RBFOX1: variants seen among roughly 807,000 people sequenced by gnomAD.
The protein encoded by RBFOX1 is RNA binding protein fox-1 homolog 1.
A neutral mutation model predicts 57.7 loss-of-function variants in RBFOX1; 8 were observed. That is an observed-to-expected ratio of 0.14 (90% CI 0.08 to 0.25). The LOEUF is 0.25. Ranked by LOEUF, RBFOX1 falls within the 10% of genes least tolerant of loss-of-function variation. The pLI, the probability that RBFOX1 is intolerant of heterozygous loss-of-function variation, is 1.00. For synonymous variants in RBFOX1, 326 were observed against 222.4 expected (o/e 1.47, Z -4.15); for missense variants, 611 against 548.5 (o/e 1.11, Z -1.14).
intron 4 of RBFOX1, among the ~76,000 whole-genome samples, chr16:7,172,852 G>C (rs553678779): frequency 5.9e-5 from 9 of 152,256 alleles, no homozygotes; most frequent in African/African-American, 2.2e-4. Flanking sequence ...TAGAGAACAT[G>C]GGGAGATGGT....
intron 3 of RBFOX1, among the ~76,000 whole-genome samples, chr16:6,980,467 T>G (rs2088450256): frequency 6.6e-6 from 1 of 152,204 alleles, no homozygotes; most frequent in South Asian, 2.1e-4. Context: ...CTTCTTATGT[T>G]GAAATTTTTC....
chr16:6,712,392 C>T (rs1176366122), intron 3 of RBFOX1, among the ~76,000 whole-genome samples: 2 of 152,106 alleles, frequency 1.3e-5, no homozygotes, highest in Non-Finnish European at 2.9e-5. Flanking sequence ...ACTAGATAAT[C>T]TGCCTAATGA....
At chr16:5,726,631 G>A (rs2052162084) in intron 3 of RBFOX1, among the ~76,000 whole-genome samples, 1 of 152,166 alleles carries the variant, frequency 6.6e-6, no homozygotes, top group Non-Finnish European at 1.5e-5. Flanking sequence ...CTTTGCTCTT[G>A]ACCTGTACAC....
chr16:7,122,856 C>G (rs1470084994), intron 4 of RBFOX1, among the ~76,000 whole-genome samples: 3 of 152,158 alleles, frequency 2.0e-5, no homozygotes, highest in Non-Finnish European at 4.4e-5. Context: ...ACGTGGAATA[C>G]TACTGAACAA....
intron 3 of RBFOX1, among the ~76,000 whole-genome samples, chr16:5,682,668 A>G (rs559558294): frequency 2.0e-5 from 3 of 152,334 alleles, no homozygotes; most frequent in African/African-American, 7.2e-5. Context: ...CTCAAAGCTG[A>G]GAACAGGAAA....
rs956916451 is a variant in RBFOX1 at position 6,100,312 on chromosome 16, G to A, written c.-127+80320G>A. On this transcript the variant is annotated intron_variant, in intron 1 of 15. Coordinates refer to ENST00000550418, the MANE Select transcript of RBFOX1 (RefSeq NM_018723.4). ...CGAGGAGCTGGGACTACAGGCGCCC[G>A]CCATTACGCCTGGCTAATGTTTTGT... Among the ~76,000 whole-genome samples the A allele has an allele frequency of 5.3e-5, 8 of 152,248 alleles. No homozygotes were observed. The South Asian group carries it at 1.2e-3, about 24-fold the overall frequency.
chr16:5,610,261 G>A (rs1479887867), intron 3 of RBFOX1: 1 of 152,218 alleles, frequency 6.6e-6, no homozygotes, highest in East Asian at 1.9e-4. Context: ...GTCGCTACTT[G>A]TTGAAAGACT....
At chr16:6,687,327 A>T (rs2059581691) in intron 3 of RBFOX1, among the ~76,000 whole-genome samples, 1 of 152,166 alleles carries the variant, frequency 6.6e-6, no homozygotes, top group Non-Finnish European at 1.5e-5. Flanking sequence ...TAAACTGCAT[A>T]TTAGGTACAA....
chr16:5,611,532 C>T (rs2047785953), intron 3 of RBFOX1: 1 of 152,158 alleles, frequency 6.6e-6, no homozygotes, highest in Non-Finnish European at 1.5e-5. Flanking sequence ...TAGCCTTTTG[C>T]TTTGCACTTC....
chr16:7,486,063 C>T (rs1424494672), intron 4 of RBFOX1, among the ~76,000 whole-genome samples: 1 of 150,014 alleles, frequency 6.7e-6, no homozygotes, highest in Non-Finnish European at 1.5e-5. Context: ...TGTGCTACCA[C>T]TTGGTGTGTT....
rs867664521 is a variant in RBFOX1, at chr16:6,866,578, G to T, written c.-15-185479G>T. ...TTTTTTTGAGTTGGAGTCTCGCTCT[G>T]TCCCCCAGGCTGGAGTGCAGTGGTG... is the stretch of plus-strand genomic sequence containing the variant. On this transcript the variant is annotated intron_variant, in intron 3 of 15. Coordinates refer to ENST00000550418, the MANE Select transcript of RBFOX1 (RefSeq NM_018723.4). Among the ~76,000 whole-genome samples, 131 of 102,308 alleles carry T rather than the reference G, an allele frequency of 1.3e-3. 4 individuals carry two copies. Among genetic ancestry groups the T allele is most frequent in the Middle Eastern group, 0.01 (1 of 96 alleles). The allele number at this position is 102,308 out of a possible 152,430, so 67.1% of individuals were successfully genotyped here. A position where few individuals can be genotyped will look rare whatever the true frequency, so the allele number is the denominator to read the frequency against.
chr16:7,128,818 CTTTT>C (rs759893956), intron 4 of RBFOX1, among the ~76,000 whole-genome samples: 298 of 126,920 alleles, frequency 2.3e-3, no homozygotes, highest in African/African-American at 7.0e-3. Context: ...TTTCTTTTTA[CTTTT>C]TTTTTTTTTT....
chr16:5,726,707 G>A (rs2052165555), intron 3 of RBFOX1, among the ~76,000 whole-genome samples: 1 of 152,180 alleles, frequency 6.6e-6, no homozygotes, highest in African/African-American at 2.4e-5. Context: ...ATAGCTATAG[G>A]TATTATGAAC....
chr16:6,886,670 G>C (rs552730185), intron 3 of RBFOX1, among the ~76,000 whole-genome samples: 2 of 151,484 alleles, frequency 1.3e-5, no homozygotes, highest in Non-Finnish European at 2.9e-5. Context: ...CACAAGAATC[G>C]CTTGAACCCA....
intron 2 of RBFOX1, among the ~76,000 whole-genome samples, chr16:6,612,943 C>G (rs1372219649): frequency 2.0e-5 from 3 of 151,476 alleles, no homozygotes; most frequent in Non-Finnish European, 4.4e-5. Context: ...TTCAGTTTGA[C>G]AAACAAAGCC....
chr16:7,469,833 AT>A (rs1337006700), intron 4 of RBFOX1, among the ~76,000 whole-genome samples: 1 of 152,070 alleles, frequency 6.6e-6, no homozygotes, highest in Non-Finnish European at 1.5e-5. Context: ...TTAAACACTA[AT>A]TTCATCCGTC....
At chr16:5,885,348 G>A (rs545823292) in intron 4 of RBFOX1, among the ~76,000 whole-genome samples, 5 of 148,010 alleles carry the variant, frequency 3.4e-5, no homozygotes, top group African/African-American at 1.2e-4. Context: ...CTCCAAATAC[G>A]ACTGCATTTT....
intron 3 of RBFOX1, among the ~76,000 whole-genome samples, chr16:7,026,532 T>C (rs2040996831): frequency 6.6e-6 from 1 of 152,080 alleles, no homozygotes; most frequent in Non-Finnish European, 1.5e-5. Flanking sequence ...CTCACACACA[T>C]ACACAATCAC....
At chr16:7,105,524 T>C (rs2063424929) in intron 4 of RBFOX1, among the ~76,000 whole-genome samples, 1 of 152,052 alleles carries the variant, frequency 6.6e-6, no homozygotes, top group South Asian at 2.1e-4. Flanking sequence ...GTGTCATTCT[T>C]ATGCCTTTGC....
Sources: gnomAD v4.1 joint callset for allele counts (sites outside exome capture counted in the v4.1 genomes callset) on GRCh38, gnomAD v4.1.1 for gene constraint, MANE v1.5 for transcripts, NCBI Gene and HGNC (gene_info 2026-07-23, HGNC 2026-07-21) for gene names.